IER5L: variants seen among roughly 807,000 people sequenced by gnomAD.
IER5L encodes the protein immediate early response 5 like.
A neutral mutation model predicts 28.3 loss-of-function variants in IER5L; 6 were observed. The ratio of observed to expected loss-of-function variants is 0.21; its 90% CI spans 0.12 to 0.42. IER5L has a LOEUF of 0.42. Among genes scored for constraint, IER5L ranks in the 10% least tolerant of loss-of-function variants. The pLI is 1.00. For synonymous variants in IER5L, 351 were observed against 282.5 expected (o/e 1.24, Z -2.43); for missense variants, 607 against 575.2 (o/e 1.06, Z -0.56).
Position 129,177,396 on chromosome 9 carries a change from G to A in IER5L, c.657C>T (p.Ala219=). Residue 219 remains alanine (A), a synonymous_variant, in exon 1 of 1, where the codon GCC becomes GCT. Coordinates refer to ENST00000372491, the MANE Select transcript of IER5L (RefSeq NM_203434.3). ...SAPPGAAPPA[A]AASPPASPAP... ...CCGGGGAGGCGGGCGGAGAAGCGGCGGCGGCCGGAGGGGCGGCCCCTGGGG... is the reference window on the plus strand; with the variant it reads ...CCGGGGAGGCGGGCGGAGAAGCGGCAGCGGCCGGAGGGGCGGCCCCTGGGG... The A allele has an allele frequency of 8.0e-7, 1 of 1,253,368 alleles. No homozygotes were observed. Among genetic ancestry groups the A allele is most frequent in the Non-Finnish European group, 1.0e-6 (1 of 999,320 alleles). The allele number at this position is 1,253,368 out of a possible 1,614,324, so 77.6% of individuals were successfully genotyped here. A position where few individuals can be genotyped will look rare whatever the true frequency, so the allele number is the denominator to read the frequency against.
Position 129,178,163 on chromosome 9 carries a change from C to A in IER5L, c.-111G>T, listed in dbSNP as rs1829444498. 3 of 954,734 alleles carry A rather than the reference C, an allele frequency of 3.1e-6. No homozygotes were observed. The highest frequency in any genetic ancestry group is 4.2e-6 in the Non-Finnish European group (3 of 713,162). The allele number at this position is 954,734 out of a possible 1,614,324, so 59.1% of individuals were successfully genotyped here. On this transcript the variant is annotated 5_prime_UTR_variant, in exon 1 of 1. Transcript: ENST00000372491. The stretch of plus-strand genomic sequence containing the variant: ...GCGCGCCGGGCAGGGGTAACGGAGT[C>A]CGGGTCAGAGGTTCGGCTGCGCTCC...
At position 129,177,388 on chromosome 9, in the gene IER5L, G is replaced by T. The variant is rs762772717; in HGVS notation, c.665C>A (p.Ser222Tyr). The change falls in exon 1 of 1, where the codon TCT becomes TAT. Residue 222 changes from serine to tyrosine, a missense_variant. Transcript: ENST00000372491. The stretch of plus-strand genomic sequence containing the variant: ...GGCGGGGGCCGGGGAGGCGGGCGGA[G>T]AAGCGGCGGCGGCCGGAGGGGCGGC... ...PGAAPPAAAA[S>Y]PPASPAPASS... is the part of the protein sequence containing the mutation. The T allele has an allele frequency of 5.3e-5, 67 of 1,271,608 alleles. No individual in the cohort carries two copies. Among genetic ancestry groups the T allele is most frequent in the Non-Finnish European group, 6.6e-5 (67 of 1,009,310 alleles). The allele number at this position is 1,271,608 out of a possible 1,614,324, so 78.8% of individuals were successfully genotyped here. A position where few individuals can be genotyped will look rare whatever the true frequency, so the allele number is the denominator to read the frequency against.
Position 129,177,657 on chromosome 9 carries a change from CG to C in IER5L, c.395del (p.Pro132ArgfsTer128). ...LQQQLHQHQH[P>X]APRGCAAAAA... ...CCGCCGCCGCGCAGCCCCTGGGCGC[CG>C]GGTGCTGGTGCTGGTGCAGCTGCTG... On this transcript the variant is annotated frameshift_variant, in exon 1 of 1. Transcript: ENST00000372491. LOFTEE classifies it high-confidence loss of function. The C allele has an allele frequency of 7.7e-7, 1 of 1,305,218 alleles. No individual in the cohort carries two copies. Among genetic ancestry groups the C allele is most frequent in the South Asian group, 2.2e-5 (1 of 46,196 alleles). The allele number at this position is 1,305,218 out of a possible 1,614,324, so 80.9% of individuals were successfully genotyped here. A position where few individuals can be genotyped will look rare whatever the true frequency, so the allele number is the denominator to read the frequency against.
chr9:129,177,071 C>T lies in IER5L; in HGVS notation c.982G>A (p.Gly328Ser), dbSNP rs1829414469. Residue 328 changes from glycine (G) to serine (S), a missense_variant, in exon 1 of 1, where the codon GGC becomes AGC. Coordinates refer to ENST00000372491, the MANE Select transcript of IER5L (RefSeq NM_203434.3). ...AGGLGAEPPG[G>S]APFAPCKRAR... is the part of the protein sequence containing the mutation. ...CGCTTGCAGGGGGCGAACGGGGCGC[C>T]CCCGGGGGGCTCGGCCCCCAGCCCG... The T allele has an allele frequency of 8.1e-6, 12 of 1,490,250 alleles. No individual in the cohort carries two copies. The Middle Eastern group carries it at 5.4e-4, about 67-fold the overall frequency. 92.3% of individuals were successfully genotyped at this position (1,490,250 alleles called of 1,614,324 possible).
Position 129,177,590 on chromosome 9 carries a change from C to T in IER5L, c.463G>A (p.Glu155Lys), listed in dbSNP as rs2131662889. 3 of 1,002,120 alleles carry T rather than the reference C, an allele frequency of 3.0e-6. No individual in the cohort carries two copies. Among genetic ancestry groups the T allele is most frequent in the Non-Finnish European group, 3.6e-6 (3 of 844,950 alleles). The allele number at this position is 1,002,120 out of a possible 1,614,324, so 62.1% of individuals were successfully genotyped here. A position where few individuals can be genotyped will look rare whatever the true frequency, so the allele number is the denominator to read the frequency against. Residue 155 changes from glutamate (E) to lysine (K), a missense_variant, in exon 1 of 1, where the codon GAG (glutamate) becomes AAG (lysine). Coordinates refer to ENST00000372491, the MANE Select transcript of IER5L (RefSeq NM_203434.3). ...TGGAGCGCGGCGCACCCGGGCAGCT[C>T]CGAGAGCGCCCCCGCGCCGCCCGCG... ...APAGGAGALS[E>K]LPGCAALQPP...
Position 129,177,258 on chromosome 9 carries a change from G to C in IER5L, c.795C>G (p.Thr265=). ...TVLDLDTHVV[T]TVENGYLHQD... ...GGTGCAAGTAGCCGTTCTCCACCGT[G>C]GTCACCACGTGAGTGTCTAGGTCCA... The change falls in exon 1 of 1, where the codon ACC becomes ACG. Residue 265 remains threonine (T), a synonymous_variant. Transcript: ENST00000372491. The C allele has an allele frequency of 6.8e-7, 1 of 1,470,568 alleles. No individual in the cohort carries two copies. Among genetic ancestry groups the C allele is most frequent in the Non-Finnish European group, 8.9e-7 (1 of 1,123,062 alleles). The allele number at this position is 1,470,568 out of a possible 1,614,324, so 91.1% of individuals were successfully genotyped here.
In IER5L at chr9:129,177,113, C is replaced by T. The variant is rs766687104; in HGVS notation, c.940G>A (p.Asp314Asn). The change falls in exon 1 of 1, where the codon GAC becomes AAC. Residue 314 changes from aspartate (D) to asparagine (N), a missense_variant. By Grantham distance (23) the Asp-to-Asn change is conservative. Coordinates refer to ENST00000372491, the MANE Select transcript of IER5L (RefSeq NM_203434.3). The stretch of plus-strand genomic sequence containing the variant: ...CCCAGCCCGCCCGCATCCTCCTCGT[C>T]GTCTTCCTCCTCCTCCTGGCCAGGG... Reference protein sequence around the residue: ...YYPGQEEEEDDEEDAGGLGAE... With the variant: ...YYPGQEEEEDNEEDAGGLGAE... The T allele has an allele frequency of 1.4e-6, 2 of 1,459,900 alleles. No individual in the cohort carries two copies. The highest frequency in any genetic ancestry group is 1.8e-6 in the Non-Finnish European group (2 of 1,107,902). 90.4% of individuals were successfully genotyped at this position (1,459,900 alleles called of 1,614,324 possible).
Position 129,177,331 on chromosome 9 carries a change from G to A in IER5L, c.722C>T (p.Pro241Leu), listed in dbSNP as rs1467114220. The A allele has an allele frequency of 2.2e-6, 3 of 1,354,630 alleles. No homozygotes were observed. Among genetic ancestry groups the A allele is most frequent in the Non-Finnish European group, 2.9e-6 (3 of 1,052,056 alleles). 83.9% of individuals were successfully genotyped at this position (1,354,630 alleles called of 1,614,324 possible). A position where few individuals can be genotyped will look rare whatever the true frequency, so the allele number is the denominator to read the frequency against. Residue 241 changes from proline to leucine, a missense_variant, in exon 1 of 1, where the codon CCT (proline) becomes CTT (leucine). Pro to Leu is a moderately conservative substitution (Grantham distance 98). Transcript: ENST00000372491. ...SSPGFYRGAY[P>L]TPSDFGLHCS... ...GTGCAAGCCGAAGTCCGAAGGGGTA[G>A]GGTATGCGCCCCGGTAGAAGCCGGG...
In IER5L at chr9:129,176,719, G is replaced by C; in HGVS notation, c.*119C>G. On this transcript the variant is annotated 3_prime_UTR_variant, in exon 1 of 1. Transcript: ENST00000372491. ...AAACATCAGCCGCCTGCCCCCGCTC[G>C]CCCCCAGCTCAGCCCCGAGTGGCCC... 8.1e-7 allele frequency: 1 copy of C among 1,239,474 alleles called. No homozygotes were observed. Among genetic ancestry groups the C allele is most frequent in the Admixed American group, 4.0e-5 (1 of 24,754 alleles). 76.8% of individuals were successfully genotyped at this position (1,239,474 alleles called of 1,614,324 possible). A position where few individuals can be genotyped will look rare whatever the true frequency, so the allele number is the denominator to read the frequency against.
In IER5L at chr9:129,176,664, ATTTC is replaced by A. The variant is rs934148838; in HGVS notation, c.*170_*173del. 1.0e-4 allele frequency: 90 copies of A among 902,134 alleles called. 1 individual carries two copies. The highest frequency in any genetic ancestry group is 2.0e-4 in the South Asian group (7 of 35,226). 55.9% of individuals were successfully genotyped at this position (902,134 alleles called of 1,614,324 possible). On this transcript the variant is annotated 3_prime_UTR_variant, in exon 1 of 1. Coordinates refer to ENST00000372491, the MANE Select transcript of IER5L (RefSeq NM_203434.3). ...GCAAAAATAAAGTCCAAGATTTTAGATTTCTTTTTTTTTTATTTTACAATTTATA... is the reference window on the plus strand; with the variant it reads ...GCAAAAATAAAGTCCAAGATTTTAGATTTTTTTTTTATTTTACAATTTATA...
Position 129,177,704 on chromosome 9 carries a change from G to C in IER5L, c.349C>G (p.Leu117Val), listed in dbSNP as rs1431142938. Residue 117 changes from leucine (L) to valine (V), a missense_variant, in exon 1 of 1, where the codon CTC (leucine) becomes GTC (valine). By Grantham distance (32) the Leu-to-Val change is conservative (BLOSUM62 1). Transcript: ENST00000372491. ...TGCTGCTGGAGGTGCAGCTGGTGGA[G>C]CTGGTGGAGCTGGTGCAGCTGGTGC... ...ARHQLHQLHQ[L>V]HQLHLQQQLH... 3 of 1,430,246 alleles carry C rather than the reference G, an allele frequency of 2.1e-6. No individual in the cohort carries two copies. The highest frequency in any genetic ancestry group is 2.8e-5 in the South Asian group (2 of 71,880). The allele number at this position is 1,430,246 out of a possible 1,614,324, so 88.6% of individuals were successfully genotyped here.
At position 129,177,246 on chromosome 9, in the gene IER5L, G is replaced by A. The variant is rs770156365; in HGVS notation, c.807C>T (p.Asn269=). 4 of 1,466,426 alleles carry A rather than the reference G, an allele frequency of 2.7e-6. No individual in the cohort carries two copies. Among genetic ancestry groups the A allele is most frequent in the South Asian group, 1.4e-5 (1 of 69,464 alleles). The allele number at this position is 1,466,426 out of a possible 1,614,324, so 90.8% of individuals were successfully genotyped here. A position where few individuals can be genotyped will look rare whatever the true frequency, so the allele number is the denominator to read the frequency against. ...CGCAGCAGTCCTGGTGCAAGTAGCCGTTCTCCACCGTGGTCACCACGTGAG... is the reference window on the plus strand; with the variant it reads ...CGCAGCAGTCCTGGTGCAAGTAGCCATTCTCCACCGTGGTCACCACGTGAG... ...LDTHVVTTVE[N]GYLHQDCCAS... The change falls in exon 1 of 1, where the codon AAC becomes AAT. Residue 269 remains asparagine, a synonymous_variant. Transcript: ENST00000372491.
chr9:129,177,258 G>A lies in IER5L; in HGVS notation c.795C>T (p.Thr265=). The stretch of plus-strand genomic sequence containing the variant: ...GGTGCAAGTAGCCGTTCTCCACCGT[G>A]GTCACCACGTGAGTGTCTAGGTCCA... ...TVLDLDTHVV[T]TVENGYLHQD... The change falls in exon 1 of 1, where the codon ACC becomes ACT. Residue 265 remains threonine (T), a synonymous_variant. Coordinates refer to ENST00000372491, the MANE Select transcript of IER5L (RefSeq NM_203434.3). 6.8e-7 allele frequency: 1 copy of A among 1,470,568 alleles called. No individual in the cohort carries two copies. Among genetic ancestry groups the A allele is most frequent in the Non-Finnish European group, 8.9e-7 (1 of 1,123,062 alleles). The allele number at this position is 1,470,568 out of a possible 1,614,324, so 91.1% of individuals were successfully genotyped here.
Position 129,178,186 on chromosome 9 carries a change from T to A in IER5L, c.-134A>T. On this transcript the variant is annotated 5_prime_UTR_variant, in exon 1 of 1. Transcript: ENST00000372491. ...GTCCGGGTCAGAGGTTCGGCTGCGC[T>A]CCGAAAGGAGCCGCCACCATGCGCC... is the stretch of plus-strand genomic sequence containing the variant. The A allele has an allele frequency of 1.4e-6, 1 of 722,406 alleles. No homozygotes were observed. Among genetic ancestry groups the A allele is most frequent in the Non-Finnish European group, 2.0e-6 (1 of 512,034 alleles). The allele number at this position is 722,406 out of a possible 1,614,324, so 44.7% of individuals were successfully genotyped here.
chr9:129,177,392 CGGCGGCGGCCGGAGG>C lies in IER5L; in HGVS notation c.646_660del (p.Pro216_Ala220del), dbSNP rs769712716. 7.9e-7 allele frequency: 1 copy of C among 1,258,042 alleles called. No homozygotes were observed. Among genetic ancestry groups the C allele is most frequent in the South Asian group, 3.5e-5 (1 of 28,190 alleles). 77.9% of individuals were successfully genotyped at this position (1,258,042 alleles called of 1,614,324 possible). ...GGGGCCGGGGAGGCGGGCGGAGAAGCGGCGGCGGCCGGAGGGGCGGCCCCTGGGGGCGCGGAGCAG... is the reference window on the plus strand; with the variant it reads ...GGGGCCGGGGAGGCGGGCGGAGAAGCGGCGGCCCCTGGGGGCGCGGAGCAG... On this transcript the variant is annotated inframe_deletion, in exon 1 of 1. Coordinates refer to ENST00000372491, the MANE Select transcript of IER5L (RefSeq NM_203434.3).
Position 129,177,264 on chromosome 9 carries a change from C to T in IER5L, c.789G>A (p.Val263=), listed in dbSNP as rs773899347. Residue 263 remains valine, a synonymous_variant, in exon 1 of 1, where the codon GTG becomes GTA. Transcript: ENST00000372491. ...QTTVLDLDTH[V]VTTVENGYLH... ...AGTAGCCGTTCTCCACCGTGGTCAC[C>T]ACGTGAGTGTCTAGGTCCAGCACGG... 2.7e-6 allele frequency: 4 copies of T among 1,476,230 alleles called. No individual in the cohort carries two copies. Among genetic ancestry groups the T allele is most frequent in the South Asian group, 1.4e-5 (1 of 71,162 alleles). The allele number at this position is 1,476,230 out of a possible 1,614,324, so 91.4% of individuals were successfully genotyped here. A position where few individuals can be genotyped will look rare whatever the true frequency, so the allele number is the denominator to read the frequency against.
Position 129,177,931 on chromosome 9 carries a change from C to A in IER5L, c.122G>T (p.Arg41Leu). The change falls in exon 1 of 1, where the codon CGC (arginine) becomes CTC (leucine). Residue 41 changes from arginine to leucine, a missense_variant. Physicochemically the swap from Arg to Leu is moderately radical, Grantham distance 102. Coordinates refer to ENST00000372491, the MANE Select transcript of IER5L (RefSeq NM_203434.3). ...GCTCAGGTAGAGCTGGCGCGCGTTG[C>A]GGAGCACGTAGGACACCAGGAGGTT... Reference protein sequence around the residue: ...HKNLLVSYVLRNARQLYLSER... With the variant: ...HKNLLVSYVLLNARQLYLSER... The A allele has an allele frequency of 6.4e-7, 1 of 1,572,984 alleles. No homozygotes were observed.
At position 129,177,273 on chromosome 9, in the gene IER5L, G is replaced by A. The variant is rs60193826; in HGVS notation, c.780C>T (p.Asp260=). The A allele has an allele frequency of 4.0e-3, 5,935 of 1,478,240 alleles. 209 individuals carry two copies. In the African/African-American group the frequency reaches 0.076, roughly 19 times the overall value. The allele number at this position is 1,478,240 out of a possible 1,614,324, so 91.6% of individuals were successfully genotyped here. A position where few individuals can be genotyped will look rare whatever the true frequency, so the allele number is the denominator to read the frequency against. The change falls in exon 1 of 1, where the codon GAC becomes GAT. Residue 260 remains aspartate, a synonymous_variant. Coordinates refer to ENST00000372491, the MANE Select transcript of IER5L (RefSeq NM_203434.3). ...TCTCCACCGTGGTCACCACGTGAGT[G>A]TCTAGGTCCAGCACGGTGGTCTGGC... ...CSSQTTVLDL[D]THVVTTVENG... is the part of the protein sequence containing the mutation.
rs767719440 is a variant in IER5L, at chr9:129,177,672, G to A, written c.381C>T (p.His127=). 9.3e-6 allele frequency: 13 copies of A among 1,398,590 alleles called. No individual in the cohort carries two copies. The South Asian group carries it at 1.5e-4, about 16-fold the overall frequency. 86.6% of individuals were successfully genotyped at this position (1,398,590 alleles called of 1,614,324 possible). ...LHQLHLQQQL[H]QHQHPAPRGC... ...CCCTGGGCGCCGGGTGCTGGTGCTG[G>A]TGCAGCTGCTGCTGGAGGTGCAGCT... Residue 127 remains histidine, a synonymous_variant, in exon 1 of 1, where the codon CAC becomes CAT. Coordinates refer to ENST00000372491, the MANE Select transcript of IER5L (RefSeq NM_203434.3).
Sources: allele counts gnomAD v4.1 joint callset, GRCh38; gene constraint gnomAD v4.1.1; transcripts MANE v1.5; gene names NCBI Gene and HGNC (gene_info 2026-07-23, HGNC 2026-07-21).